The following FBXW7 variants were observed in gnomAD, a reference collection of about 807,000 sequenced individuals.
The protein encoded by FBXW7 is F-box/WD repeat-containing protein 7.
Under a neutral mutation model 86.3 loss-of-function variants are expected in FBXW7, and 11 were observed. The ratio of observed to expected loss-of-function variants is 0.13; its 90% CI spans 0.08 to 0.21. The LOEUF (loss-of-function observed/expected upper bound fraction) is 0.21, where lower values mean the gene tolerates loss of function less well. FBXW7 is among the 10% of genes least tolerant of loss of function. FBXW7 has a pLI of 1.00. For missense variants in FBXW7, 488 were observed against 847.4 expected (o/e 0.58, Z 5.27); for synonymous variants, 313 against 297.9 (o/e 1.05, Z -0.52).
At chr4:152,458,294 C>CAGGCGTG (rs1459139619) in intron 2 of FBXW7, among the ~76,000 whole-genome samples, 7 of 152,344 alleles carry the variant, frequency 4.6e-5, no homozygotes, top group African/African-American at 1.7e-4. Flanking sequence ...GCTGGGATTA[C>CAGGCGTG]AGGCGTGAGC....
intron 2 of FBXW7, among the ~76,000 whole-genome samples, chr4:152,471,480 G>A (rs1743958800): frequency 8.5e-6 from 1 of 117,130 alleles, no homozygotes; most frequent in South Asian, 3.4e-4. Context: ...AGGGAAGCAG[G>A]GAGGGAAAGG....
chr4:152,494,821 T>A (rs1275730603), intron 2 of FBXW7, among the ~76,000 whole-genome samples: 1 of 152,180 alleles, frequency 6.6e-6, no homozygotes, highest in Non-Finnish European at 1.5e-5. Flanking sequence ...CTAATACTGT[T>A]CTAAATGCTT....
intron 2 of FBXW7, among the ~76,000 whole-genome samples, chr4:152,496,402 T>C (rs1746342548): frequency 6.7e-6 from 1 of 148,900 alleles, no homozygotes; most frequent in South Asian, 2.1e-4. Context: ...AAGAAAAAAA[T>C]GGAACTGGGC....
intron 2 of FBXW7, among the ~76,000 whole-genome samples, chr4:152,495,058 C>T (rs1352612981): frequency 2.6e-5 from 4 of 152,148 alleles, no homozygotes; most frequent in Admixed American, 2.6e-4. Context: ...ATAAGCTATA[C>T]TTCCAGTCCT....
At chr4:152,356,157 T>C (rs1182923929) in intron 4 of FBXW7, among the ~76,000 whole-genome samples, 2 of 152,166 alleles carry the variant, frequency 1.3e-5, no homozygotes, top group Non-Finnish European at 1.5e-5. Flanking sequence ...TCATAGTTCA[T>C]TGTCATTATT....
Position 152,337,936 on chromosome 4 carries a change from T to C in FBXW7, c.727A>G (p.Ser243Gly), listed in dbSNP as rs368613046. ...AGCAATTTCTCTGGTCCACTCCAGC[T>C]CTATCAAAGAGAATTAGAAATTTTT... ...GLQEWLKMFQ[S>G]WSGPEKLLAL... The change falls in exon 7 of 14, where the codon AGC (serine) becomes GGC (glycine). Residue 243 changes from serine (S) to glycine (G), a missense_variant and splice_region_variant. Coordinates refer to ENST00000281708, the MANE Select transcript of FBXW7 (RefSeq NM_001349798.2). The C allele has an allele frequency of 5.0e-6, 8 of 1,595,684 alleles. No individual in the cohort carries two copies. The highest frequency in any genetic ancestry group is 6.8e-6 in the Non-Finnish European group (8 of 1,175,108).
chr4:152,443,219 A>G (rs1485997944), intron 2 of FBXW7, among the ~76,000 whole-genome samples: 1 of 152,132 alleles, frequency 6.6e-6, no homozygotes, highest in African/African-American at 2.4e-5. Flanking sequence ...CCGAAATCGC[A>G]CCATTGCACT....
chr4:152,445,091 G>A (rs1037282246), intron 2 of FBXW7, among the ~76,000 whole-genome samples: 2 of 152,082 alleles, frequency 1.3e-5, no homozygotes, highest in Admixed American at 6.6e-5. Context: ...CTCCCAAAGC[G>A]CTAGGATTAC....
At chr4:152,336,987 T>C (rs1324222815) in intron 7 of FBXW7, among the ~76,000 whole-genome samples, 1 of 152,004 alleles carries the variant, frequency 6.6e-6, no homozygotes, top group Non-Finnish European at 1.5e-5. Flanking sequence ...ACTAGGGGCA[T>C]ATACATATTA....
chr4:152,478,861 A>G (rs189139660), intron 2 of FBXW7, among the ~76,000 whole-genome samples: 91 of 152,238 alleles, frequency 6.0e-4, no homozygotes, highest in Non-Finnish European at 8.2e-4. Flanking sequence ...CTTTGGAGAA[A>G]TATCTGTTCA....
Position 152,411,585 on chromosome 4 carries a change from C to G in FBXW7, c.219G>C (p.Gln73His), listed in dbSNP as rs1441810151. 1 of 1,613,842 alleles carries G rather than the reference C, an allele frequency of 6.2e-7. No homozygotes were observed. The highest frequency in any genetic ancestry group is 1.1e-5 in the South Asian group (1 of 91,082). The change falls in exon 4 of 14, where the codon CAG (glutamine) becomes CAC (histidine). Residue 73 changes from glutamine (Q) to histidine (H), a missense_variant. By Grantham distance (24) the Gln-to-His change is conservative. This residue lies in a region of FBXW7 where 230 missense variants were observed against 240.0 expected (regional missense o/e 0.96). Coordinates refer to ENST00000281708, the MANE Select transcript of FBXW7 (RefSeq NM_001349798.2). ...TATTGTTTTCTTCCAACTGTCCTTG[C>G]TGGGAATCATTTTGGCCTCCAGGTC... The part of the protein sequence containing the change: ...EPRPGGQNDS[Q>H]QGQLEENNNR...
chr4:152,506,195 G>A (rs1204233522), intron 2 of FBXW7, among the ~76,000 whole-genome samples: 1 of 151,392 alleles, frequency 6.6e-6, no homozygotes, highest in Non-Finnish European at 1.5e-5. Context: ...GCGGTGGCAC[G>A]ATCTCAGCTC....
chr4:152,486,769 C>G (rs549761515), intron 2 of FBXW7, among the ~76,000 whole-genome samples: 1 of 151,934 alleles, frequency 6.6e-6, no homozygotes, highest in Admixed American at 6.6e-5. Context: ...ATACATAAAC[C>G]GTTAACATAG....
intron 2 of FBXW7, among the ~76,000 whole-genome samples, chr4:152,468,783 T>C (rs1035716067): frequency 6.6e-6 from 1 of 152,098 alleles, no homozygotes; most frequent in Non-Finnish European, 1.5e-5. Flanking sequence ...AGATGAAATA[T>C]ACATGATAAG....
intron 2 of FBXW7, among the ~76,000 whole-genome samples, chr4:152,491,260 G>C (rs1235844482): frequency 6.6e-6 from 1 of 152,054 alleles, no homozygotes; most frequent in African/African-American, 2.4e-5. Flanking sequence ...TAATAGAATA[G>C]CTCTTCAATT....
intron 2 of FBXW7, among the ~76,000 whole-genome samples, chr4:152,471,590 A>C (rs1743976135): frequency 6.6e-6 from 1 of 151,568 alleles, no homozygotes; most frequent in East Asian, 1.9e-4. Context: ...GGAAAGAGGG[A>C]AAGAGAGAAA....
At chr4:152,382,346 C>A in intron 4 of FBXW7, 1 of 1,558,388 alleles carries the variant, frequency 6.4e-7, no homozygotes, top group Non-Finnish European at 8.7e-7. Flanking sequence ...TTTAAAACTC[C>A]TCTTGGTTGA....
chr4:152,505,660 C>A (rs1009241664), intron 2 of FBXW7, among the ~76,000 whole-genome samples: 3 of 152,118 alleles, frequency 2.0e-5, no homozygotes, highest in African/African-American at 7.2e-5. Flanking sequence ...GAGGCAATCA[C>A]ACACATGGAA....
intron 2 of FBXW7, among the ~76,000 whole-genome samples, chr4:152,473,488 G>GTA (rs1487506910): frequency 6.6e-6 from 1 of 151,958 alleles, no homozygotes; most frequent in African/African-American, 2.4e-5. Flanking sequence ...AGAAAAACCT[G>GTA]TATATATATT....
Sources: allele counts gnomAD v4.1 joint callset (sites outside exome capture counted in the v4.1 genomes callset), GRCh38; gene constraint gnomAD v4.1.1; regional missense constraint gnomAD v4.1.1; transcripts MANE v1.5; gene names NCBI Gene and HGNC (gene_info 2026-07-23, HGNC 2026-07-21).